Variants in TNNT3 observed in about 807,000 individuals in gnomAD.
The protein encoded by TNNT3 is troponin T, fast skeletal muscle.
TNNT3 carries 36 observed loss-of-function variants against 54.2 expected under a neutral mutation model. The ratio of observed to expected loss-of-function variants is 0.66; its 90% confidence interval spans 0.51 to 0.88. The LOEUF is 0.88. TNNT3 is among the 40% of genes least tolerant of loss of function. The pLI, the probability that TNNT3 is intolerant of heterozygous loss-of-function variation, is 0.00. For synonymous variants in TNNT3, 120 were observed against 109.7 expected (o/e 1.09, Z -0.59); for missense variants, 291 against 331.6 (o/e 0.88, Z 0.95).
At chr11:1,932,736 C>T (rs1275502669) in intron 9 of TNNT3, among the ~76,000 whole-genome samples, 1 of 151,998 alleles carries the variant, frequency 6.6e-6, no homozygotes, top group East Asian at 1.9e-4. Context: ...ATCCATCCAC[C>T]CACCCACGTA....
chr11:1,934,019 C>A lies in TNNT3; in HGVS notation c.366+11C>A, dbSNP rs1854220443. On this transcript the variant is annotated intron_variant, in intron 11 of 15. Coordinates refer to ENST00000278317, the MANE Select transcript of TNNT3 (RefSeq NM_006757.4). The stretch of plus-strand genomic sequence containing the variant: ...CAGAACAGACTGGCGGTGAGGGCAC[C>A]ATCCGCACTGCTGCCTCATCAGAGA... 1 of 1,610,088 alleles carries A rather than the reference C, an allele frequency of 6.2e-7. No individual in the cohort carries two copies. Among genetic ancestry groups the A allele is most frequent in the African/African-American group, 1.3e-5 (1 of 74,982 alleles).
chr11:1,934,266 A>G (rs763463307), intron 11 of TNNT3, 66 bp from the exon 12 acceptor site: 159 of 1,491,210 alleles, frequency 1.1e-4, no homozygotes, highest in Non-Finnish European at 1.3e-4. Context: ...GTGGGTCCCT[A>G]AAGCCTGCCC....
intron 1 of TNNT3, 190 bp from the exon 2 acceptor site, chr11:1,922,667 G>C (rs1333542984): frequency 4.8e-6 from 3 of 630,318 alleles, no homozygotes; most frequent in East Asian, 5.5e-5. Flanking sequence ...GAGCTGGGAG[G>C]GGCCAGGAGC....
intron 15 of TNNT3, 140 bp downstream of exon 15, chr11:1,937,143 G>C (rs547116147): frequency 1.1e-6 from 1 of 900,834 alleles, no homozygotes; most frequent in Admixed American, 2.0e-5. Flanking sequence ...GGCCACCCAG[G>C]CCAGCATGCG....
rs540710 is a variant in TNNT3, at chr11:1,926,345, C to A, written c.68-350C>A. The A allele has an allele frequency of 0.37, 435,068 of 1,178,558 alleles. 85,705 individuals are homozygous for A. Among genetic ancestry groups the A allele is most frequent in the East Asian group, 0.64 (27,339 of 42,840 alleles). The allele number at this position is 1,178,558 out of a possible 1,614,324, so 73.0% of individuals were successfully genotyped here. A position where few individuals can be genotyped will look rare whatever the true frequency, so the allele number is the denominator to read the frequency against. On this transcript the variant is annotated intron_variant, in intron 5 of 15. Coordinates refer to ENST00000278317, the MANE Select transcript of TNNT3 (RefSeq NM_006757.4). ...TAACTCTGACCGTGTCTTGCTCGCT[C>A]CCCGCACGCACCCCACCCTCGGCCT...
intron 6 of TNNT3, 24 bp downstream of exon 6, chr11:1,926,733 C>G: frequency 6.2e-7 from 1 of 1,613,176 alleles, no homozygotes; most frequent in South Asian, 1.1e-5. Flanking sequence ...CCCCCGCCTC[C>G]AGGCCAGAGT....
rs374699876 is a variant in TNNT3 at position 1,936,305 on chromosome 11, G to A, written c.682-658G>A. ...CAGGCCCGTGGGTGTGCGTTGCACG[G>A]TGAGGTGAACCTCTCGCATGGCAAA... On this transcript the variant is annotated intron_variant, in intron 14 of 15. Transcript: ENST00000278317. The A allele has an allele frequency of 8.7e-5, 139 of 1,601,208 alleles. No homozygotes were observed. The African/African-American group carries it at 1.5e-3, about 17-fold the overall frequency.
chr11:1,926,511 C>T, intron 5 of TNNT3, 184 bp from the exon 6 acceptor site: 1 of 1,613,100 alleles, frequency 6.2e-7, no homozygotes. Flanking sequence ...GCCACATGGG[C>T]ACGTGTGGCC....
intron 4 of TNNT3, among the ~76,000 whole-genome samples, chr11:1,923,903 A>T (rs1307461412): frequency 6.7e-6 from 1 of 149,630 alleles, no homozygotes; most frequent in Admixed American, 6.6e-5. Flanking sequence ...GGGGCTGGTC[A>T]TGAAGGCCTC....
At chr11:1,938,057 G>C (rs1350815451) in intron 15 of TNNT3, 1 of 328,018 alleles carries the variant, frequency 3.0e-6, no homozygotes, top group African/African-American at 2.1e-5. Context: ...GCAGGCTCCT[G>C]GGCCCCTCAG....
At position 1,934,670 on chromosome 11, in the gene TNNT3, T is replaced by C. The variant is rs373864370; in HGVS notation, c.590+15T>C. 18 of 1,608,592 alleles carry C rather than the reference T, an allele frequency of 1.1e-5. No individual in the cohort carries two copies. In the African/African-American group the frequency reaches 2.0e-4, roughly 18 times the overall value. ...GACAAACTGAGGTGAGGGGTGGGTGTTGTGGGGCTCAGCCCCACGGGGTGG... is the reference window on the plus strand; with the variant it reads ...GACAAACTGAGGTGAGGGGTGGGTGCTGTGGGGCTCAGCCCCACGGGGTGG... On this transcript the variant is annotated intron_variant, in intron 13 of 15. Coordinates refer to ENST00000278317, the MANE Select transcript of TNNT3 (RefSeq NM_006757.4).
chr11:1,931,178 C>A (rs1478648715), intron 8 of TNNT3, among the ~76,000 whole-genome samples: 2 of 152,136 alleles, frequency 1.3e-5, no homozygotes, highest in African/African-American at 4.8e-5. Context: ...TTGGACAAAC[C>A]ATAATTTTCC....
intron 15 of TNNT3, among the ~76,000 whole-genome samples, chr11:1,937,707 C>T (rs1855532388): frequency 6.6e-6 from 1 of 152,210 alleles, no homozygotes; most frequent in Non-Finnish European, 1.5e-5. Context: ...CCTCCTGTCG[C>T]CTTGGCTTCC....
rs1424952733 is a variant in TNNT3, at chr11:1,934,855, C to T, written c.617C>T (p.Thr206Ile). 2 of 1,613,620 alleles carry T rather than the reference C, an allele frequency of 1.2e-6. No homozygotes were observed. The highest frequency in any genetic ancestry group is 1.7e-6 in the Non-Finnish European group (2 of 1,180,030). ...LRDKAKELWE[T>I]LHQLEIDKFE... is the part of the protein sequence containing the mutation. The stretch of plus-strand genomic sequence containing the variant: ...GACAAGGCCAAGGAGCTCTGGGAGA[C>T]CCTGCACCAGCTGGAGATTGACAAG... Residue 206 changes from threonine to isoleucine, a missense_variant, in exon 14 of 16, where the codon ACC becomes ATC. By Grantham distance (89) the Thr-to-Ile change is moderately conservative. Transcript: ENST00000278317.
At chr11:1,926,378 C>T (rs1177069925) in intron 5 of TNNT3, 10 of 1,534,970 alleles carry the variant, frequency 6.5e-6, no homozygotes, top group South Asian at 4.5e-5. Context: ...CCTCGAGTGG[C>T]GACGGGCTTT....
intron 6 of TNNT3, among the ~76,000 whole-genome samples, chr11:1,927,312 G>T (rs547774473): frequency 6.6e-6 from 1 of 152,318 alleles, no homozygotes; most frequent in East Asian, 1.9e-4. Flanking sequence ...CACACCCGGA[G>T]TGAGGAGGCC....
intron 14 of TNNT3, chr11:1,936,383 C>G (rs954398621): frequency 1.2e-4 from 118 of 1,009,418 alleles, no homozygotes; most frequent in Non-Finnish European, 1.7e-4. Flanking sequence ...CTTCCTCCTG[C>G]CCCCGCTCTC....
At chr11:1,932,131 G>A (rs1240133537) in intron 8 of TNNT3, among the ~76,000 whole-genome samples, 2 of 152,316 alleles carry the variant, frequency 1.3e-5, no homozygotes, top group South Asian at 2.1e-4. Flanking sequence ...CTTCTCACCC[G>A]ACATGGCTGC....
intron 8 of TNNT3, among the ~76,000 whole-genome samples, chr11:1,931,640 CA>C (rs1853384611): frequency 6.6e-6 from 1 of 151,366 alleles, no homozygotes; most frequent in Non-Finnish European, 1.5e-5. Flanking sequence ...TCTTAGTCAT[CA>C]GTTTGCATAA....
Sources: allele counts gnomAD v4.1 joint callset (sites outside exome capture counted in the v4.1 genomes callset), GRCh38; gene constraint gnomAD v4.1.1; transcripts MANE v1.5; gene names NCBI Gene and HGNC (gene_info 2026-07-23, HGNC 2026-07-21).